BNC2: variants seen among roughly 807,000 people sequenced by gnomAD.
BNC2 encodes zinc finger protein basonuclin-2.
BNC2 carries 20 observed loss-of-function variants against 76.3 expected under a neutral mutation model. That is an observed-to-expected ratio of 0.26 (90% CI 0.18 to 0.38). BNC2 has a LOEUF of 0.38. Ranked by LOEUF, BNC2 falls within the 10% of genes least tolerant of loss-of-function variation. BNC2 has a pLI of 1.00. For synonymous variants in BNC2, 582 were observed against 514.8 expected (o/e 1.13, Z -1.77); for missense variants, 1,382 against 1,399.8 (o/e 0.99, Z 0.20).
At chr9:16,476,590 C>T (rs1300189939) in intron 5 of BNC2, among the ~76,000 whole-genome samples, 3 of 151,202 alleles carry the variant, frequency 2.0e-5, no homozygotes, top group Non-Finnish European at 4.4e-5. Context: ...AAAACTCTGG[C>T]AGTTTGACAC....
chr9:16,484,333 G>A (rs1490518356), intron 5 of BNC2, among the ~76,000 whole-genome samples: 2 of 152,160 alleles, frequency 1.3e-5, no homozygotes, highest in Non-Finnish European at 1.5e-5. Context: ...GAGTGCTCGA[G>A]GCGAAGATGC....
At chr9:16,447,225 C>T (rs1322943241) in intron 5 of BNC2, among the ~76,000 whole-genome samples, 4 of 152,088 alleles carry the variant, frequency 2.6e-5, no homozygotes, top group Non-Finnish European at 5.9e-5. Context: ...AACTTAAGCA[C>T]AGAATATCTA....
intron 3 of BNC2, among the ~76,000 whole-genome samples, chr9:16,689,949 C>T (rs946488219): frequency 1.3e-5 from 2 of 152,170 alleles, no homozygotes; most frequent in African/African-American, 2.4e-5. Context: ...GATGAAGATG[C>T]ACGCTAAACA....
intron 5 of BNC2, among the ~76,000 whole-genome samples, chr9:16,486,985 A>C (rs529314390): frequency 1.4e-4 from 21 of 152,298 alleles, no homozygotes; most frequent in African/African-American, 5.1e-4. Flanking sequence ...CCAAAATTAC[A>C]GTTGTGAGCC....
At chr9:16,735,465 G>C (rs1287330706) in intron 2 of BNC2, among the ~76,000 whole-genome samples, 2 of 151,098 alleles carry the variant, frequency 1.3e-5, no homozygotes, top group African/African-American at 4.9e-5. Context: ...CATGAAAGTT[G>C]CAAGAATTAT....
chr9:16,751,647 T>G (rs1355604634), intron 1 of BNC2, among the ~76,000 whole-genome samples: 3 of 14,336 alleles, frequency 2.1e-4, no homozygotes, highest in African/African-American at 3.9e-4. Context: ...TATATGTATG[T>G]GTGTATATAT....
At chr9:16,731,417 AG>A in intron 2 of BNC2, among the ~76,000 whole-genome samples, 1 of 152,328 alleles carries the variant, frequency 6.6e-6, no homozygotes, top group Non-Finnish European at 1.5e-5. Flanking sequence ...TCCAAGTTAA[AG>A]ACATTGTGTG....
At chr9:16,515,717 GAA>G in intron 5 of BNC2, among the ~76,000 whole-genome samples, 1 of 101,958 alleles carries the variant, frequency 9.8e-6, no homozygotes, top group Non-Finnish European at 2.1e-5. Context: ...GGTACAATTT[GAA>G]AAAAAAAAAA....
At chr9:16,450,698 G>C (rs1821322692) in intron 5 of BNC2, among the ~76,000 whole-genome samples, 1 of 152,202 alleles carries the variant, frequency 6.6e-6, no homozygotes, top group Non-Finnish European at 1.5e-5. Context: ...GTAACTCTTG[G>C]TGCACTTGCT....
At chr9:16,697,054 G>A (rs1487739926) in intron 3 of BNC2, among the ~76,000 whole-genome samples, 3 of 152,116 alleles carry the variant, frequency 2.0e-5, no homozygotes, top group Admixed American at 6.5e-5. Context: ...ATACCCATCT[G>A]CCCTGCAATA....
intron 1 of BNC2, among the ~76,000 whole-genome samples, chr9:16,749,113 A>G (rs1825103854): frequency 6.6e-6 from 1 of 152,002 alleles, no homozygotes; most frequent in Non-Finnish European, 1.5e-5. Context: ...CTCAAAGCAC[A>G]GTTCCTGCCT....
chr9:16,574,130 A>T (rs542607535), intron 4 of BNC2, among the ~76,000 whole-genome samples: 23 of 152,242 alleles, frequency 1.5e-4, no homozygotes, highest in African/African-American at 5.5e-4. Context: ...AGAGGAGTTG[A>T]GTGTGTTTCA....
At chr9:16,770,826 TC>T (rs1174205103) in intron 1 of BNC2, among the ~76,000 whole-genome samples, 1 of 151,350 alleles carries the variant, frequency 6.6e-6, no homozygotes, top group Non-Finnish European at 1.5e-5. Flanking sequence ...GATAGCGAGA[TC>T]ATGCCACTGC....
chr9:16,784,572 C>T (rs778273443), intron 1 of BNC2, among the ~76,000 whole-genome samples: 76 of 152,298 alleles, frequency 5.0e-4, no homozygotes, highest in Admixed American at 6.5e-4. Flanking sequence ...AGGAGGGATA[C>T]TGAGCACAGA....
At chr9:16,818,673 G>A (rs994109464) in intron 1 of BNC2, among the ~76,000 whole-genome samples, 4 of 152,028 alleles carry the variant, frequency 2.6e-5, no homozygotes, top group African/African-American at 9.7e-5. Flanking sequence ...GAATTTTAAT[G>A]GAGAAGAGTC....
chr9:16,544,936 T>A (rs1563832962), intron 5 of BNC2, among the ~76,000 whole-genome samples: 1 of 152,194 alleles, frequency 6.6e-6, no homozygotes, highest in Non-Finnish European at 1.5e-5. Flanking sequence ...TACATACTTT[T>A]AAAATATTCT....
intron 3 of BNC2, among the ~76,000 whole-genome samples, chr9:16,682,801 G>GA (rs575523851): frequency 7.3e-4 from 111 of 152,236 alleles, no homozygotes; most frequent in African/African-American, 2.7e-3. Flanking sequence ...TCCCAACCAA[G>GA]AAAAGAACTG....
chr9:16,630,981 A>G (rs764303084), intron 3 of BNC2, among the ~76,000 whole-genome samples: 1 of 152,110 alleles, frequency 6.6e-6, no homozygotes, highest in South Asian at 2.1e-4. Flanking sequence ...TCAGGTGATC[A>G]GCCCACCTAG....
chr9:16,726,610 CACA>C (rs1177559958), intron 3 of BNC2, among the ~76,000 whole-genome samples: 31 of 147,758 alleles, frequency 2.1e-4, no homozygotes, highest in African/African-American at 7.0e-4. Context: ...TCTTGAGTGG[CACA>C]ACATTTCTTA....
Sources: allele counts gnomAD v4.1 joint callset (sites outside exome capture counted in the v4.1 genomes callset), GRCh38; gene constraint gnomAD v4.1.1; transcripts MANE v1.5; gene names NCBI Gene and HGNC (gene_info 2026-07-23, HGNC 2026-07-21).